The following UTRN variants were observed in gnomAD, a reference collection of about 807,000 sequenced individuals.
UTRN encodes the protein dystrophin-related protein 1.
Under a neutral mutation model 463.9 loss-of-function variants are expected in UTRN, and 283 were observed. That is an observed-to-expected ratio of 0.61 (90% CI 0.55 to 0.67). The LOEUF is 0.67. Among genes scored for constraint, UTRN ranks in the 30% least tolerant of loss-of-function variants. UTRN has a pLI of 0.00. For synonymous variants in UTRN, 1,442 were observed against 1,431.5 expected (o/e 1.01, Z -0.17); for missense variants, 3,922 against 4,084.3 (o/e 0.96, Z 1.08).
chr6:144,613,449 G>A (rs1042898488), intron 51 of UTRN, among the ~76,000 whole-genome samples: 26 of 152,070 alleles, frequency 1.7e-4, no homozygotes, highest in African/African-American at 6.0e-4. Context: ...ATCATGCCGT[G>A]TTGTATCCAT....
intron 50 of UTRN, among the ~76,000 whole-genome samples, chr6:144,566,470 A>G (rs1193481583): frequency 6.6e-6 from 1 of 152,202 alleles, no homozygotes; most frequent in East Asian, 1.9e-4. Flanking sequence ...TGGGAGAAAG[A>G]TGGAGCAGGG....
chr6:144,382,587 C>T (rs1378481272), intron 2 of UTRN, among the ~76,000 whole-genome samples: 1 of 152,138 alleles, frequency 6.6e-6, no homozygotes, highest in Non-Finnish European at 1.5e-5. Context: ...ATCTTTAATT[C>T]TCATAACAAT....
chr6:144,440,362 G>A lies in UTRN; in HGVS notation c.1403G>A (p.Ser468Asn). ...AATTTTTTTCTCTAGAGTTTGCAAA[G>A]TGATCTTGAGGCTGAACAGGTGAAA... The part of the protein sequence containing the change: ...KLLEEHKSLQ[S>N]DLEAEQVKVN... The change falls in exon 13 of 75, where the codon AGT becomes AAT. Residue 468 changes from serine (S) to asparagine (N), a missense_variant. By Grantham distance (46) the Ser-to-Asn change is conservative. Around this residue, in one of 3 missense-constraint regions of UTRN, gnomAD observed 2,349 missense variants for 2,303.8 expected, o/e 1.02. Transcript: ENST00000367545. The A allele has an allele frequency of 6.2e-7, 1 of 1,614,160 alleles. No individual in the cohort carries two copies. Among genetic ancestry groups the A allele is most frequent in the Non-Finnish European group, 8.5e-7 (1 of 1,180,006 alleles).
At chr6:144,758,793 A>AT in intron 58 of UTRN, among the ~76,000 whole-genome samples, 1 of 152,060 alleles carries the variant, frequency 6.6e-6, no homozygotes, top group East Asian at 1.9e-4. Flanking sequence ...AGTTGACCCT[A>AT]TTTTATGTGT....
At position 144,462,344 on chromosome 6, in the gene UTRN, C is replaced by G. The variant is rs1015982338; in HGVS notation, c.2854-310C>G. Among the ~76,000 whole-genome samples the G allele has an allele frequency of 2.0e-5, 3 of 152,102 alleles. No individual in the cohort carries two copies. The East Asian group carries it at 5.8e-4, about 29-fold the overall frequency. The stretch of plus-strand genomic sequence containing the variant: ...CATTTGGGTTGATTCCTTGTCCTTG[C>G]TATTGTGAATTGTGCTGCAATGAAC... On this transcript the variant is annotated intron_variant, in intron 22 of 74. Transcript: ENST00000367545.
At chr6:144,375,705 G>T (rs1483379485) in intron 2 of UTRN, among the ~76,000 whole-genome samples, 2 of 152,112 alleles carry the variant, frequency 1.3e-5, no homozygotes, top group Non-Finnish European at 2.9e-5. Context: ...TCATTTTTAG[G>T]GGGGATTCAC....
intron 3 of UTRN, among the ~76,000 whole-genome samples, chr6:144,403,984 AGTTGCTTTTCAAAATTTTTG>A (rs1229061339): frequency 1.6e-4 from 25 of 152,212 alleles, no homozygotes; most frequent in South Asian, 4.1e-4. Context: ...TTTAATGAAG[AGTTGCTTTTCAAAATTTTTG>A]GTTGCTTTTC....
intron 46 of UTRN, 87 bp from the exon 47 acceptor site, chr6:144,548,553 A>C: frequency 3.2e-6 from 4 of 1,252,174 alleles, no homozygotes; most frequent in Non-Finnish European, 4.4e-6. Flanking sequence ...AATTTTATTT[A>C]AATACACATA....
intron 51 of UTRN, among the ~76,000 whole-genome samples, chr6:144,608,160 C>T (rs1404294367): frequency 6.6e-6 from 1 of 152,146 alleles, no homozygotes; most frequent in Non-Finnish European, 1.5e-5. Flanking sequence ...GCGGATTATC[C>T]TCCATAATGT....
chr6:144,610,293 T>G (rs1805356244), intron 51 of UTRN, among the ~76,000 whole-genome samples: 1 of 151,150 alleles, frequency 6.6e-6, no homozygotes, highest in South Asian at 2.1e-4. Context: ...AACTGAACAA[T>G]TATACAGCAA....
chr6:144,648,415 A>G (rs528355622), intron 51 of UTRN, among the ~76,000 whole-genome samples: 1 of 152,326 alleles, frequency 6.6e-6, no homozygotes, highest in South Asian at 2.1e-4. Flanking sequence ...TTTTGTTTTA[A>G]TGTTAAAATT....
intron 41 of UTRN, among the ~76,000 whole-genome samples, chr6:144,525,510 A>T (rs998751218): frequency 6.6e-6 from 1 of 151,992 alleles, no homozygotes; most frequent in Admixed American, 6.6e-5. Context: ...TTGTATTTCT[A>T]TGGCATCAGT....
Position 144,628,383 on chromosome 6 carries a change from C to T in UTRN, c.7480-50023C>T, listed in dbSNP as rs187003147. ...ATAGTATTCTTTTATTATTGTACTC[C>T]TGAGAGGAGGGTGTTAGCCCCTTTT... On this transcript the variant is annotated intron_variant, in intron 51 of 74. Transcript: ENST00000367545. Among the ~76,000 whole-genome samples the T allele has an allele frequency of 1.4e-4, 21 of 152,206 alleles. No homozygotes were observed. The South Asian group carries it at 1.9e-3, about 14-fold the overall frequency.
chr6:144,788,758 T>G (rs1021194106), intron 61 of UTRN, among the ~76,000 whole-genome samples: 2 of 152,176 alleles, frequency 1.3e-5, no homozygotes, highest in African/African-American at 4.8e-5. Context: ...AGATGTGGTT[T>G]CTCCATGTTC....
chr6:144,835,737 A>T (rs985815087), intron 69 of UTRN, 43 bp from the exon 70 acceptor site: 1 of 1,610,704 alleles, frequency 6.2e-7, no homozygotes, highest in Non-Finnish European at 8.5e-7. Flanking sequence ...AAACATCACC[A>T]TCCAGATGTG....
At chr6:144,622,184 G>GTTTTTTGTTT (rs1775469556) in intron 51 of UTRN, among the ~76,000 whole-genome samples, 1 of 88,202 alleles carries the variant, frequency 1.1e-5, no homozygotes, top group African/African-American at 4.3e-5. Context: ...TTTTTTTGTT[G>GTTTTTTGTTT]TTTTTTTTTT....
chr6:144,738,380 A>G (rs1386862363), intron 54 of UTRN, among the ~76,000 whole-genome samples: 2 of 152,058 alleles, frequency 1.3e-5, no homozygotes, highest in East Asian at 1.9e-4. Context: ...CCTACCCCCA[A>G]ACCTCCAGAG....
chr6:144,637,209 A>G (rs1180528295), intron 51 of UTRN, among the ~76,000 whole-genome samples: 6 of 152,130 alleles, frequency 3.9e-5, no homozygotes, highest in South Asian at 2.1e-4. Context: ...AGCTCAAGCA[A>G]TCTAACTGCC....
At chr6:144,706,718 C>A (rs2128701429) in intron 53 of UTRN, 1 of 152,230 alleles carries the variant, frequency 6.6e-6, no homozygotes, top group African/African-American at 2.4e-5. Context: ...ATTTTTTTTA[C>A]CTACCCAGAG....
Sources: allele counts gnomAD v4.1 joint callset (sites outside exome capture counted in the v4.1 genomes callset), GRCh38; gene constraint gnomAD v4.1.1; regional missense constraint gnomAD v4.1.1; transcripts MANE v1.5; gene names NCBI Gene and HGNC (gene_info 2026-07-23, HGNC 2026-07-21).